Variants in PSD3 observed in about 807,000 individuals in gnomAD.
PSD3 encodes the protein PH and SEC7 domain-containing protein 3.
Under a neutral mutation model 105.5 loss-of-function variants are expected in PSD3, and 49 were observed. The ratio of observed to expected loss-of-function variants is 0.46; its 90% CI spans 0.37 to 0.59. The LOEUF (loss-of-function observed/expected upper bound fraction) is 0.59. Ranked by LOEUF, PSD3 falls within the 20% of genes least tolerant of loss-of-function variation. The pLI is 0.00. For missense variants in PSD3, 1,561 were observed against 1,263.8 expected (o/e 1.24, Z -3.57); for synonymous variants, 557 against 457.8 (o/e 1.22, Z -2.77).
At chr8:18,549,127 T>C (rs1283369836) in intron 15 of PSD3, among the ~76,000 whole-genome samples, 1 of 151,410 alleles carries the variant, frequency 6.6e-6, no homozygotes, top group African/African-American at 2.4e-5. Flanking sequence ...AGGGGTGACA[T>C]AGATAAAGTG....
At chr8:18,714,671 C>A (rs1467836689) in intron 9 of PSD3, among the ~76,000 whole-genome samples, 1 of 152,188 alleles carries the variant, frequency 6.6e-6, no homozygotes, top group Non-Finnish European at 1.5e-5. Flanking sequence ...AACGCTTTTA[C>A]GCTGCTGGTA....
chr8:18,581,670 A>G (rs962161277), intron 12 of PSD3, among the ~76,000 whole-genome samples: 36 of 152,102 alleles, frequency 2.4e-4, no homozygotes, highest in African/African-American at 8.5e-4. Flanking sequence ...GGTTTACATC[A>G]TGTTAACTGG....
intron 1 of PSD3, among the ~76,000 whole-genome samples, chr8:18,967,100 C>T (rs1006457148): frequency 1.3e-5 from 2 of 152,082 alleles, no homozygotes; most frequent in African/African-American, 2.4e-5. Context: ...TTTCTTTTCA[C>T]GTGGGCTGTA....
chr8:18,891,909 T>C (rs1818805529), intron 2 of PSD3, among the ~76,000 whole-genome samples: 1 of 152,010 alleles, frequency 6.6e-6, no homozygotes, highest in Non-Finnish European at 1.5e-5. Flanking sequence ...GAGTATTCAT[T>C]CCTTTTTACA....
intron 12 of PSD3, among the ~76,000 whole-genome samples, chr8:18,590,897 CTG>C (rs1803553416): frequency 6.6e-6 from 1 of 152,076 alleles, no homozygotes; most frequent in Non-Finnish European, 1.5e-5. Flanking sequence ...TAATAAGAAA[CTG>C]TTTATGATAA....
At chr8:18,601,070 C>A (rs532475887) in intron 11 of PSD3, among the ~76,000 whole-genome samples, 1 of 152,274 alleles carries the variant, frequency 6.6e-6, no homozygotes, top group East Asian at 1.9e-4. Context: ...TATCCTTCAT[C>A]TTTAGAATTC....
intron 8 of PSD3, among the ~76,000 whole-genome samples, chr8:18,768,597 A>G (rs868631098): frequency 6.0e-4 from 92 of 152,328 alleles, no homozygotes; most frequent in African/African-American, 2.2e-3. Context: ...ACTTTCAAGA[A>G]GACGCACAGG....
intron 2 of PSD3, among the ~76,000 whole-genome samples, chr8:18,931,101 A>G (rs185195349): frequency 6.6e-6 from 1 of 152,118 alleles, no homozygotes; most frequent in East Asian, 1.9e-4. Context: ...TTGGTGAAGT[A>G]TCTGTTACAA....
intron 9 of PSD3, among the ~76,000 whole-genome samples, chr8:18,737,174 C>G (rs1377688348): frequency 6.6e-6 from 1 of 152,106 alleles, no homozygotes; most frequent in Admixed American, 6.5e-5. Context: ...GGTTTGTTTT[C>G]TTTAGTCTTT....
intron 4 of PSD3, among the ~76,000 whole-genome samples, chr8:18,812,063 G>C (rs751106242): frequency 1.3e-5 from 2 of 152,002 alleles, no homozygotes; most frequent in Non-Finnish European, 2.9e-5. Flanking sequence ...CCTAAATCTC[G>C]GATCAGACTG....
chr8:18,543,854 A>C (rs898823361), intron 15 of PSD3, among the ~76,000 whole-genome samples: 3 of 152,162 alleles, frequency 2.0e-5, no homozygotes, highest in Non-Finnish European at 4.4e-5. Flanking sequence ...ATCTCACTGA[A>C]CAGTTTCTCT....
intron 4 of PSD3, among the ~76,000 whole-genome samples, chr8:18,828,845 T>C (rs1563320650): frequency 6.6e-6 from 1 of 152,042 alleles, no homozygotes; most frequent in Non-Finnish European, 1.5e-5. Flanking sequence ...ATACCTGTAA[T>C]CCCAGCACTT....
chr8:18,836,696 G>T (rs1003043995), intron 4 of PSD3, among the ~76,000 whole-genome samples: 2 of 152,004 alleles, frequency 1.3e-5, no homozygotes, highest in Admixed American at 1.3e-4. Flanking sequence ...ACACCGTCTG[G>T]TACACTTTAA....
chr8:18,989,355 T>C (rs907203948), intron 1 of PSD3: 17 of 152,272 alleles, frequency 1.1e-4, no homozygotes, highest in East Asian at 7.7e-4. Context: ...GAATGAGTTT[T>C]GGAAAGGAGA....
chr8:18,956,706 T>C (rs1321009477), intron 1 of PSD3, among the ~76,000 whole-genome samples: 1 of 152,182 alleles, frequency 6.6e-6, no homozygotes, highest in African/African-American at 2.4e-5. Context: ...CACACAACCT[T>C]GAGGCTATTT....
At chr8:18,565,868 TG>T in intron 14 of PSD3, among the ~76,000 whole-genome samples, 1 of 152,224 alleles carries the variant, frequency 6.6e-6, no homozygotes, top group East Asian at 1.9e-4. Flanking sequence ...TTGTTAGAAC[TG>T]GGGGGTCCCT....
At chr8:18,980,802 C>A (rs186261386) in intron 1 of PSD3, among the ~76,000 whole-genome samples, 4 of 152,236 alleles carry the variant, frequency 2.6e-5, no homozygotes, top group Non-Finnish European at 4.4e-5. Flanking sequence ...CTTAAAACAC[C>A]TGAATACTAT....
chr8:18,926,001 G>C (rs1038027681), intron 2 of PSD3, among the ~76,000 whole-genome samples: 1 of 152,022 alleles, frequency 6.6e-6, no homozygotes, highest in African/African-American at 2.4e-5. Flanking sequence ...AAAGCCTACC[G>C]TTGTTTGTTC....
chr8:18,833,722 C>T (rs1022200076), intron 4 of PSD3, among the ~76,000 whole-genome samples: 3 of 152,180 alleles, frequency 2.0e-5, no homozygotes, highest in Admixed American at 1.3e-4. Context: ...ACATGTGCTA[C>T]CTGCCATTAC....
Sources: allele counts gnomAD v4.1 joint callset (sites outside exome capture counted in the v4.1 genomes callset), GRCh38; gene constraint gnomAD v4.1.1; transcripts MANE v1.5; gene names NCBI Gene and HGNC (gene_info 2026-07-23, HGNC 2026-07-21).